The following DNAAF1 variants were observed in gnomAD, a reference collection of about 807,000 sequenced individuals.
The protein encoded by DNAAF1 is dynein axonemal assembly factor 1.
DNAAF1 carries 65 observed loss-of-function variants against 71.1 expected under a neutral mutation model. The ratio of observed to expected loss-of-function variants is 0.91; its 90% confidence interval spans 0.75 to 1.12. DNAAF1 has a LOEUF of 1.12. Among genes scored for constraint, DNAAF1 ranks in the 50% most tolerant of loss-of-function variants. DNAAF1 has a pLI of 0.00. For synonymous variants in DNAAF1, 414 were observed against 354.6 expected, an observed-to-expected ratio of 1.17 and a Z score of -1.88; for missense variants, 1,178 against 899.8, an observed-to-expected ratio of 1.31 and a Z score of -3.96.
In DNAAF1 at chr16:84,177,808, C is replaced by T; in HGVS notation, c.2145C>T (p.Asp715=). The T allele has an allele frequency of 6.2e-7, 1 of 1,614,034 alleles. No individual in the cohort carries two copies. Among genetic ancestry groups the T allele is most frequent in the Non-Finnish European group, 8.5e-7 (1 of 1,179,952 alleles). The part of the protein sequence containing the change: ...AQPSQALPTW[D]LTAFPAPKAS Reference sequence around the variant, plus strand: ...CCAGCCAAGCTCTGCCCACGTGGGACCTCACTGCATTCCCAGCACCGAAAG... The same window carrying T: ...CCAGCCAAGCTCTGCCCACGTGGGATCTCACTGCATTCCCAGCACCGAAAG... The change falls in exon 12 of 12, where the codon GAC becomes GAT. Residue 715 remains aspartate (D), a synonymous_variant. Coordinates refer to ENST00000378553, the MANE Select transcript of DNAAF1 (RefSeq NM_178452.6).
intron 8 of DNAAF1, among the ~76,000 whole-genome samples, chr16:84,171,516 C>T (rs141081148): frequency 2.6e-4 from 40 of 152,280 alleles, no homozygotes; most frequent in East Asian, 3.9e-4. Flanking sequence ...GGGCTCCTCG[C>T]GATTCCACAT....
intron 1 of DNAAF1, among the ~76,000 whole-genome samples, chr16:84,148,115 C>A (rs375696511): frequency 6.6e-6 from 1 of 152,126 alleles, no homozygotes; most frequent in African/African-American, 2.4e-5. Context: ...TGTTCCTTTT[C>A]TCCCCTGTAC....
At chr16:84,169,482 C>T (rs1169043850) in intron 7 of DNAAF1, among the ~76,000 whole-genome samples, 1 of 151,578 alleles carries the variant, frequency 6.6e-6, no homozygotes, top group Non-Finnish European at 1.5e-5. Context: ...TGCAGTGGCG[C>T]GATCTTGGCT....
intron 6 of DNAAF1, among the ~76,000 whole-genome samples, chr16:84,165,415 G>A (rs1481859194): frequency 6.6e-6 from 1 of 151,774 alleles, no homozygotes; most frequent in African/African-American, 2.4e-5. Context: ...CGAACTCCTG[G>A]GCTCAAGTGG....
At chr16:84,159,841 T>C in intron 6 of DNAAF1, 45 bp downstream of exon 6, 1 of 1,606,046 alleles carries the variant, frequency 6.2e-7, no homozygotes, top group Non-Finnish European at 8.5e-7. Context: ...TATTTAGTAG[T>C]TGACCATGCT....
chr16:84,169,861 G>A lies in DNAAF1; in HGVS notation c.1033G>A (p.Glu345Lys), dbSNP rs538389058. ...KRQRESQERGEMTSSDDGENV... is the reference protein window; with the variant it reads ...KRQRESQERGKMTSSDDGENV... ...ACCTTTGCATTTTCTGCCATTAGGG[G>A]AGATGACATCTTCAGATGATGGTGA... The change falls in exon 8 of 12, where the codon GAG becomes AAG. Residue 345 changes from glutamate to lysine, a missense_variant and splice_region_variant. Transcript: ENST00000378553. The A allele has an allele frequency of 6.2e-7, 1 of 1,613,586 alleles. No individual in the cohort carries two copies.
In DNAAF1 at chr16:84,177,845, TC is replaced by T. The variant is rs1273606157; in HGVS notation, c.*8del. 9 of 1,610,434 alleles carry T rather than the reference TC, an allele frequency of 5.6e-6. No homozygotes were observed. Among genetic ancestry groups the T allele is most frequent in the Non-Finnish European group, 7.6e-6 (9 of 1,176,826 alleles). On this transcript the variant is annotated 3_prime_UTR_variant, in exon 12 of 12. Coordinates refer to ENST00000378553, the MANE Select transcript of DNAAF1 (RefSeq NM_178452.6). ...CCCAGCACCGAAAGCATCATAGTTT[TC>T]CCCAGTTATATGTAGCATAAATGGT...
At chr16:84,148,752 C>G (rs2087045059) in intron 1 of DNAAF1, among the ~76,000 whole-genome samples, 1 of 151,264 alleles carries the variant, frequency 6.6e-6, no homozygotes, top group Non-Finnish European at 1.5e-5. Context: ...GCACGCACCA[C>G]TACATCTGGC....
At chr16:84,166,015 A>T (rs1411856963) in intron 7 of DNAAF1, 66 bp downstream of exon 7, 2 of 1,595,748 alleles carry the variant, frequency 1.3e-6, no homozygotes, top group African/African-American at 2.7e-5. Flanking sequence ...TAAGCTCTCA[A>T]ACCCAGTCTT....
At chr16:84,150,548 A>G (rs1031436098) in intron 3 of DNAAF1, among the ~76,000 whole-genome samples, 2 of 152,136 alleles carry the variant, frequency 1.3e-5, no homozygotes, top group East Asian at 1.9e-4. Context: ...GCCACTGGCT[A>G]TAGGAATACC....
At chr16:84,148,350 C>T (rs2087011351) in intron 1 of DNAAF1, among the ~76,000 whole-genome samples, 4 of 152,008 alleles carry the variant, frequency 2.6e-5, no homozygotes, top group Non-Finnish European at 5.9e-5. Flanking sequence ...CTAGTGCATT[C>T]TTCTCAAAGG....
intron 6 of DNAAF1, among the ~76,000 whole-genome samples, chr16:84,160,973 C>T (rs937754649): frequency 6.6e-6 from 1 of 151,924 alleles, no homozygotes; most frequent in African/African-American, 2.4e-5. Context: ...AAGGCCTGCT[C>T]CTGGGAGGTT....
chr16:84,147,178 A>G (rs1431827240), intron 1 of DNAAF1, among the ~76,000 whole-genome samples: 1 of 152,234 alleles, frequency 6.6e-6, no homozygotes, highest in Non-Finnish European at 1.5e-5. Flanking sequence ...CCATTATTAA[A>G]TGGTAGCTCT....
At chr16:84,176,479 C>T (rs1000080122) in intron 11 of DNAAF1, 180 bp downstream of exon 11, 3 of 992,774 alleles carry the variant, frequency 3.0e-6, no homozygotes, top group African/African-American at 3.2e-5. Context: ...CTGAAGCTGC[C>T]ACTTGCTGGT....
At position 84,177,743 on chromosome 16, in the gene DNAAF1, G is replaced by A. The variant is rs376164700; in HGVS notation, c.2080G>A (p.Ala694Thr). The change falls in exon 12 of 12, where the codon GCC becomes ACC. Residue 694 changes from alanine (A) to threonine (T), a missense_variant. Coordinates refer to ENST00000378553, the MANE Select transcript of DNAAF1 (RefSeq NM_178452.6). ...TCCTTCCACAGTGCCGACTGAGAGC[G>A]CCGCCACACCCCCAGAGACGTGTGT... ...AASSPVPTES[A>T]ATPPETCVGV... 2.2e-5 allele frequency: 35 copies of A among 1,613,602 alleles called. No individual in the cohort carries two copies. The highest frequency in any genetic ancestry group is 1.6e-4 in the Middle Eastern group (1 of 6,084).
chr16:84,148,596 C>CTCTTTTTTTTTTTT, intron 1 of DNAAF1, among the ~76,000 whole-genome samples: 1 of 43,576 alleles, frequency 2.3e-5, no homozygotes, highest in Non-Finnish European at 4.1e-5. Context: ...CTCTCTCTCT[C>CTCTTTTTTTTTTTT]TTTTTTTTTT....
Position 84,172,296 on chromosome 16 carries a change from T to C in DNAAF1, c.1565T>C (p.Phe522Ser). The C allele has an allele frequency of 6.2e-7, 1 of 1,614,232 alleles. No homozygotes were observed. The highest frequency in any genetic ancestry group is 8.5e-7 in the Non-Finnish European group (1 of 1,180,044). The change falls in exon 9 of 12, where the codon TTC (phenylalanine) becomes TCC (serine). Residue 522 changes from phenylalanine (F) to serine (S), a missense_variant. Coordinates refer to ENST00000378553, the MANE Select transcript of DNAAF1 (RefSeq NM_178452.6). ...CAGGCTGTGGCCACTGAGGGTGTAT[T>C]CGTTACAGAACTTGATGGAACGAGA... is the stretch of plus-strand genomic sequence containing the variant. Reference protein sequence around the residue: ...TPQAVATEGVFVTELDGTRTE... With the variant: ...TPQAVATEGVSVTELDGTRTE...
At position 84,154,588 on chromosome 16, in the gene DNAAF1, A is replaced by G. The variant is rs932160879; in HGVS notation, c.364A>G (p.Ile122Val). 1.2e-5 allele frequency: 19 copies of G among 1,613,988 alleles called. No homozygotes were observed. The highest frequency in any genetic ancestry group is 1.7e-5 in the Admixed American group (1 of 59,998). Residue 122 changes from isoleucine (I) to valine (V), a missense_variant, in exon 4 of 12, where the codon ATT (isoleucine) becomes GTT (valine). By Grantham distance (29) the Ile-to-Val change is conservative. Transcript: ENST00000378553. ...TTCCTTTTTGTTAGGTTTTGATCGC[A>G]TTGAGAACCTGGAAGAGTACACAGG... Reference protein sequence around the residue: ...LYLHFKGFDRIENLEEYTGLR... With the variant: ...LYLHFKGFDRVENLEEYTGLR...
chr16:84,169,711 G>T (rs1273794195), intron 7 of DNAAF1, 148 bp from the exon 8 acceptor site: 1 of 1,140,948 alleles, frequency 8.8e-7, no homozygotes, highest in Non-Finnish European at 1.3e-6. Flanking sequence ...ACGAGCCACC[G>T]CGCCCAGCCC....
Sources: allele counts gnomAD v4.1 joint callset (sites outside exome capture counted in the v4.1 genomes callset), GRCh38; gene constraint gnomAD v4.1.1; transcripts MANE v1.5; gene names NCBI Gene and HGNC (gene_info 2026-07-23, HGNC 2026-07-21).